Variants in RGL2 observed in about 807,000 individuals in gnomAD.
RGL2 encodes the protein ral guanine nucleotide dissociation stimulator-like 2.
In RGL2, 40 loss-of-function variants were observed where a neutral mutation model predicts 84.6. The observed-to-expected ratio is 0.47, with a 90% CI of 0.37 to 0.62. RGL2 has a LOEUF of 0.62. RGL2 is among the 20% of genes least tolerant of loss of function. RGL2 has a pLI of 0.00. For missense variants in RGL2, 865 were observed against 1,019.7 expected (o/e 0.85, Z 2.07); for synonymous variants, 369 against 417.3 (o/e 0.88, Z 1.41).
In RGL2 at chr6:33,296,502, C is replaced by G; in HGVS notation, c.420-38G>C. On this transcript the variant is annotated intron_variant, in intron 4 of 17. Transcript: ENST00000497454. The surrounding 1 kb of genome is among the most constrained non-coding windows in gnomAD (Gnocchi z 5.0). The stretch of plus-strand genomic sequence containing the variant: ...AGAGGATCTATCTGTCCATTTTTCC[C>G]AAACCCTCAGTGGCTTTGACTATTT... 1 of 1,588,118 alleles carries G rather than the reference C, an allele frequency of 6.3e-7. No individual in the cohort carries two copies. The highest frequency in any genetic ancestry group is 1.8e-5 in the Admixed American group (1 of 55,686).
At chr6:33,299,365 A>G (rs549787286), upstream of RGL2, 2 of 151,856 alleles carry the variant, frequency 1.3e-5, no homozygotes, top group South Asian at 2.1e-4. This position sits in a 1 kb window ranked among gnomAD's most constrained non-coding sequence, Gnocchi z 5.0. Flanking sequence ...ACCACAACCC[A>G]CGAATGTAGC....
chr6:33,294,782 T>G lies in RGL2; in HGVS notation c.1279-20A>C. The G allele has an allele frequency of 1.2e-6, 2 of 1,612,742 alleles. No homozygotes were observed. Among genetic ancestry groups the G allele is most frequent in the Non-Finnish European group, 1.7e-6 (2 of 1,179,286 alleles). On this transcript the variant is annotated intron_variant, in intron 10 of 17. Coordinates refer to ENST00000497454, the MANE Select transcript of RGL2 (RefSeq NM_004761.5). The surrounding 1 kb of genome is among the most constrained non-coding windows in gnomAD (Gnocchi z 5.0). ...CACACCCTGAAGTCAGGGGTCAGGG[T>G]CAGAAGTGCCTGCCATTGACGTGAG...
At position 33,293,714 on chromosome 6, in the gene RGL2, C is replaced by T; in HGVS notation, c.1509-15G>A. 1.9e-6 allele frequency: 3 copies of T among 1,613,682 alleles called. No individual in the cohort carries two copies. The highest frequency in any genetic ancestry group is 2.5e-6 in the Non-Finnish European group (3 of 1,179,752). ...ATACACGATGGCTGGGTTAGGGGGG[C>T]AATAGGCAGAGCTCAGGACATGACA... On this transcript the variant is annotated splice_polypyrimidine_tract_variant and intron_variant, in intron 13 of 17. Transcript: ENST00000497454. The surrounding 1 kb of genome is among the most constrained non-coding windows in gnomAD (Gnocchi z 7.0).
rs753488519 is a variant in RGL2, at chr6:33,293,998, G to A, written c.1386+36C>T. 2 of 1,613,966 alleles carry A rather than the reference G, an allele frequency of 1.2e-6. No homozygotes were observed. The highest frequency in any genetic ancestry group is 1.7e-6 in the Non-Finnish European group (2 of 1,179,996). On this transcript the variant is annotated intron_variant, in intron 12 of 17. Coordinates refer to ENST00000497454, the MANE Select transcript of RGL2 (RefSeq NM_004761.5). The surrounding 1 kb of genome is among the most constrained non-coding windows in gnomAD (Gnocchi z 7.0). Reference sequence around the variant, plus strand: ...CCCTCCCCTTCCTGGAACATGGATAGGGAAGTCCAGCATCCAGCCCAGACA... The same window carrying A: ...CCCTCCCCTTCCTGGAACATGGATAAGGAAGTCCAGCATCCAGCCCAGACA...
rs560026022 is a variant in RGL2, at chr6:33,292,571, A to C, written c.2008-27T>G. 3.2e-6 allele frequency: 5 copies of C among 1,560,628 alleles called. No individual in the cohort carries two copies. In the Admixed American group the frequency reaches 5.0e-5, roughly 16 times the overall value. On this transcript the variant is annotated intron_variant, in intron 16 of 17. Coordinates refer to ENST00000497454, the MANE Select transcript of RGL2 (RefSeq NM_004761.5). The stretch of plus-strand genomic sequence containing the variant: ...TGGCAGAACAGGAGACCAAAAGAGC[A>C]ATCAATCAGCCATGATTTCCCATCC...
upstream of RGL2, chr6:33,299,472 G>A (rs368638703): frequency 6.6e-6 from 1 of 152,028 alleles, no homozygotes; most frequent in African/African-American, 2.4e-5. This position sits in a 1 kb window ranked among gnomAD's most constrained non-coding sequence, Gnocchi z 5.0. Flanking sequence ...TTCCAGATTC[G>A]GCTCTCAGAG....
Position 33,293,143 on chromosome 6 carries a change from C to T in RGL2, c.1880G>A (p.Gly627Asp), listed in dbSNP as rs145547993. The T allele has an allele frequency of 6.2e-7, 1 of 1,611,664 alleles. No individual in the cohort carries two copies. The highest frequency in any genetic ancestry group is 8.5e-7 in the Non-Finnish European group (1 of 1,178,848). The change falls in exon 16 of 18, where the codon GGT (glycine) becomes GAT (aspartate). Residue 627 changes from glycine to aspartate, a missense_variant. Physicochemically the swap from Gly to Asp is moderately conservative, Grantham distance 94. Transcript: ENST00000497454. The surrounding 1 kb of genome is among the most constrained non-coding windows in gnomAD (Gnocchi z 7.0). Reference sequence around the variant, plus strand: ...AGTCCCCCCGGAGGCCTCTTCTGCACCCCCACTCAGCGGGGAGCCACAGGA... The same window carrying T: ...AGTCCCCCCGGAGGCCTCTTCTGCATCCCCACTCAGCGGGGAGCCACAGGA... ...SASCGSPLSGGAEEASGGTGY... is the reference protein window; with the variant it reads ...SASCGSPLSGDAEEASGGTGY...
In RGL2 at chr6:33,295,169, G is replaced by A. The variant is rs770333191; in HGVS notation, c.1167C>T (p.Ser389=). The change falls in exon 9 of 18, where the codon TCC becomes TCT. Residue 389 remains serine, a synonymous_variant. Transcript: ENST00000497454. The surrounding 1 kb of genome is among the most constrained non-coding windows in gnomAD (Gnocchi z 7.2). ...GACTCTGGGAATAATTATCCTCCTC[G>A]GAGAAAATCTGGCAGAGGCTGGAAA... ...RVFSSLCQIF[S]EEDNYSQSRE... is the part of the protein sequence containing the mutation. 3.2e-5 allele frequency: 51 copies of A among 1,607,508 alleles called. No individual in the cohort carries two copies. Among genetic ancestry groups the A allele is most frequent in the South Asian group, 1.2e-4 (11 of 89,674 alleles).
chr6:33,301,540 C>T (rs1768582540), upstream of RGL2: 2 of 573,350 alleles, frequency 3.5e-6, no homozygotes, highest in Non-Finnish European at 6.1e-6. Flanking sequence ...TGCCACTGCA[C>T]TGCAGCCTGG....
upstream of RGL2, chr6:33,299,635 G>A (rs1768389281): frequency 6.6e-6 from 1 of 152,262 alleles, no homozygotes; most frequent in Non-Finnish European, 1.5e-5. This position sits in a 1 kb window ranked among gnomAD's most constrained non-coding sequence, Gnocchi z 5.0. Context: ...TCACTGGAAG[G>A]GACCAGAGGT....
rs1214252526 is a variant in RGL2, at chr6:33,293,724, A to G, written c.1509-25T>C. 9.9e-6 allele frequency: 16 copies of G among 1,613,380 alleles called. No homozygotes were observed. Among genetic ancestry groups the G allele is most frequent in the Non-Finnish European group, 1.3e-5 (15 of 1,179,540 alleles). ...GCTGGGTTAGGGGGGCAATAGGCAGAGCTCAGGACATGACACCAATCCCCC... is the reference window on the plus strand; with the variant it reads ...GCTGGGTTAGGGGGGCAATAGGCAGGGCTCAGGACATGACACCAATCCCCC... On this transcript the variant is annotated intron_variant, in intron 13 of 17. Coordinates refer to ENST00000497454, the MANE Select transcript of RGL2 (RefSeq NM_004761.5). This position sits in a 1 kb window ranked among gnomAD's most constrained non-coding sequence, Gnocchi z 7.0.
chr6:33,297,720 A>C lies in RGL2; in HGVS notation c.157-605T>G, dbSNP rs984920186. ...GATGATAGGGGGTTGGGGGCGGTAG[A>C]CTCAGAGAGTCACGTGGCCCCAGCC... On this transcript the variant is annotated intron_variant, in intron 2 of 17. Transcript: ENST00000497454. The surrounding 1 kb of genome is among the most constrained non-coding windows in gnomAD (Gnocchi z 4.0). The C allele has an allele frequency of 1.3e-5, 2 of 152,414 alleles. No homozygotes were observed. Among genetic ancestry groups the C allele is most frequent in the African/African-American group, 4.8e-5 (2 of 41,366 alleles). The allele number at this position is 152,414 out of a possible 1,614,324, so 9.4% of individuals were successfully genotyped here. A position where few individuals can be genotyped will look rare whatever the true frequency, so the allele number is the denominator to read the frequency against.
In RGL2 at chr6:33,296,190, C is replaced by G; in HGVS notation, c.606G>C (p.Gly202=). The G allele has an allele frequency of 6.2e-7, 1 of 1,613,922 alleles. No individual in the cohort carries two copies. Among genetic ancestry groups the G allele is most frequent in the Non-Finnish European group, 8.5e-7 (1 of 1,179,902 alleles). Residue 202 remains glycine (G), a synonymous_variant, in exon 6 of 18, where the codon GGG becomes GGC. Transcript: ENST00000497454. The surrounding 1 kb of genome is among the most constrained non-coding windows in gnomAD (Gnocchi z 5.0). ...GATTGCGGATGAGGTCAGCGCTGCCCCCCCCAACACCCTTCCCTGCTGCAT... is the reference window on the plus strand; with the variant it reads ...GATTGCGGATGAGGTCAGCGCTGCCGCCCCCAACACCCTTCCCTGCTGCAT... The part of the protein sequence containing the change: ...TGYAAGKGVG[G]GSADLIRNLR...
Position 33,294,842 on chromosome 6 carries a change from G to T in RGL2, c.1279-80C>A. Reference sequence around the variant, plus strand: ...TCCCTCCGCACTTGCCCTCCTCATTGCCTCAGAGAACAGATTTCATTCTCC... The same window carrying T: ...TCCCTCCGCACTTGCCCTCCTCATTTCCTCAGAGAACAGATTTCATTCTCC... On this transcript the variant is annotated intron_variant, in intron 10 of 17. Coordinates refer to ENST00000497454, the MANE Select transcript of RGL2 (RefSeq NM_004761.5). This position sits in a 1 kb window ranked among gnomAD's most constrained non-coding sequence, Gnocchi z 5.0. 6.6e-7 allele frequency: 1 copy of T among 1,521,016 alleles called. No individual in the cohort carries two copies. Among genetic ancestry groups the T allele is most frequent in the Non-Finnish European group, 9.0e-7 (1 of 1,111,102 alleles). 94.2% of individuals were successfully genotyped at this position (1,521,016 alleles called of 1,614,324 possible).
At position 33,297,328 on chromosome 6, in the gene RGL2, G is replaced by A. The variant is rs1469318877; in HGVS notation, c.157-213C>T. 7.8e-6 allele frequency: 4 copies of A among 513,332 alleles called. No homozygotes were observed. Among genetic ancestry groups the A allele is most frequent in the East Asian group, 6.0e-5 (2 of 33,208 alleles). 31.8% of individuals were successfully genotyped at this position (513,332 alleles called of 1,614,324 possible). The stretch of plus-strand genomic sequence containing the variant: ...CCCACCCCAGCCGCCTCAGGGCCCC[G>A]GTGGAGTCGAAGGGGCTGCAGTGGA... On this transcript the variant is annotated intron_variant, in intron 2 of 17. Transcript: ENST00000497454. This position sits in a 1 kb window ranked among gnomAD's most constrained non-coding sequence, Gnocchi z 4.0.
In RGL2 at chr6:33,292,001, C is replaced by A; in HGVS notation, c.*101G>T. The A allele has an allele frequency of 7.5e-7, 1 of 1,335,598 alleles. No homozygotes were observed. The highest frequency in any genetic ancestry group is 1.1e-6 in the Non-Finnish European group (1 of 944,706). The allele number at this position is 1,335,598 out of a possible 1,614,324, so 82.7% of individuals were successfully genotyped here. A position where few individuals can be genotyped will look rare whatever the true frequency, so the allele number is the denominator to read the frequency against. ...TGCCCCAGGGTGGCTGGCTCCCTTT[C>A]TGAATTTCTGTCTCAATGTGATATA... On this transcript the variant is annotated 3_prime_UTR_variant, in exon 18 of 18. Transcript: ENST00000497454.
At position 33,294,756 on chromosome 6, in the gene RGL2, C is replaced by G; in HGVS notation, c.1285G>C (p.Val429Leu). The change falls in exon 11 of 18, where the codon GTC becomes CTC. Residue 429 changes from valine (V) to leucine (L), a missense_variant. By Grantham distance (32) the Val-to-Leu change is conservative (BLOSUM62 1). This residue lies in a region of RGL2 where 75 missense variants were observed against 130.8 expected (regional missense o/e 0.57). Coordinates refer to ENST00000497454, the MANE Select transcript of RGL2 (RefSeq NM_004761.5). The surrounding 1 kb of genome is among the most constrained non-coding windows in gnomAD (Gnocchi z 5.0). ...TTCAGGAAGGTGCCAAGGTATGGGA[C>G]CACACCCTGAAGTCAGGGGTCAGGG... Reference protein sequence around the residue: ...PRSGSRGGGVVPYLGTFLKDL... With the variant: ...PRSGSRGGGVLPYLGTFLKDL... 2 of 1,614,016 alleles carry G rather than the reference C, an allele frequency of 1.2e-6. No individual in the cohort carries two copies. The highest frequency in any genetic ancestry group is 1.7e-6 in the Non-Finnish European group (2 of 1,179,982).
chr6:33,292,462 T>C lies in RGL2; in HGVS notation c.2090A>G (p.Tyr697Cys). The C allele has an allele frequency of 1.2e-6, 2 of 1,614,176 alleles. No homozygotes were observed. The highest frequency in any genetic ancestry group is 1.7e-6 in the Non-Finnish European group (2 of 1,180,008). Reference sequence around the variant, plus strand: ...CCCTGGTAGCAGCTGTACCAGCTCATACTCTGAAGCCACTGCAGAGTCACG... The same window carrying C: ...CCCTGGTAGCAGCTGTACCAGCTCACACTCTGAAGCCACTGCAGAGTCACG... ...NNRDSAVASE[Y>C]ELVQLLPGER... The change falls in exon 17 of 18, where the codon TAT becomes TGT. Residue 697 changes from tyrosine to cysteine, a missense_variant. By Grantham distance (194) the Tyr-to-Cys change is radical. Around this residue, in one of 5 missense-constraint regions of RGL2, gnomAD observed 302 missense variants for 327.9 expected, o/e 0.92. Transcript: ENST00000497454.
rs373611637 is a variant in RGL2 at position 33,294,768 on chromosome 6, G to A, written c.1279-6C>T. On this transcript the variant is annotated splice_region_variant and splice_polypyrimidine_tract_variant and intron_variant, in intron 10 of 17. Transcript: ENST00000497454. This position sits in a 1 kb window ranked among gnomAD's most constrained non-coding sequence, Gnocchi z 5.0. ...CCAAGGTATGGGACCACACCCTGAA[G>A]TCAGGGGTCAGGGTCAGAAGTGCCT... The A allele has an allele frequency of 1.9e-6, 3 of 1,613,582 alleles. No homozygotes were observed. Among genetic ancestry groups the A allele is most frequent in the African/African-American group, 2.7e-5 (2 of 74,910 alleles).
Sources: gnomAD v4.1 joint callset for allele counts on GRCh38, gnomAD v4.1.1 for gene constraint, gnomAD v4.1.1 regional missense constraint, Gnocchi (gnomAD v3.1) non-coding constraint, MANE v1.5 for transcripts, NCBI Gene and HGNC (gene_info 2026-07-23, HGNC 2026-07-21) for gene names.